Variants in AKAP19 observed in about 807,000 individuals in gnomAD.
The protein encoded by AKAP19 is small A-kinase anchoring protein.
chr2:190,158,211 C>T, the AKAP19 span, among the ~76,000 whole-genome samples: 9 of 152,230 alleles, frequency 5.9e-5, no homozygotes, highest in South Asian at 2.1e-4. Flanking sequence ...ATTGTGCACT[C>T]GGGGAGCTCG....
At chr2:189,961,294 AG>A in the AKAP19 span, among the ~76,000 whole-genome samples, 3 of 152,124 alleles carry the variant, frequency 2.0e-5, no homozygotes, top group East Asian at 5.8e-4. Flanking sequence ...GAGAAGGTGG[AG>A]GGAGCTCAGA....
chr2:189,930,803 G>A, the AKAP19 span: 6 of 821,102 alleles, frequency 7.3e-6, no homozygotes, highest in African/African-American at 6.7e-5. Flanking sequence ...GGCAGATGTT[G>A]TATAAGGCCT....
At chr2:190,123,258 T>C in the AKAP19 span, among the ~76,000 whole-genome samples, 3 of 152,242 alleles carry the variant, frequency 2.0e-5, no homozygotes, top group African/African-American at 7.2e-5. Context: ...ATTTGTTCAG[T>C]GTTTCTTGAT....
At chr2:189,941,749 G>T in the AKAP19 span, among the ~76,000 whole-genome samples, 27,495 of 152,058 alleles carry the variant, frequency 0.18, 2,532 homozygotes, top group Middle Eastern at 0.25. Flanking sequence ...AAGACAGGAA[G>T]AAAAGAAGAG....
chr2:190,157,365 T>TACACACACACACACACACACACACACAC, the AKAP19 span, among the ~76,000 whole-genome samples: 14 of 117,070 alleles, frequency 1.2e-4, no homozygotes, highest in African/African-American at 3.9e-4. Context: ...CCTAAACTTG[T>TACACACACACACACACACACACACACAC]ATACACACAC....
chr2:189,972,300 G>A, the AKAP19 span, among the ~76,000 whole-genome samples: 32 of 152,040 alleles, frequency 2.1e-4, no homozygotes, highest in Non-Finnish European at 3.8e-4. Context: ...GTAGATGTGT[G>A]GTATTATTTC....
chr2:190,172,281 C>T, the AKAP19 span, among the ~76,000 whole-genome samples: 1 of 152,210 alleles, frequency 6.6e-6, no homozygotes, highest in East Asian at 1.9e-4. Context: ...CTGTCCTCTC[C>T]CACTATTATG....
the AKAP19 span, chr2:190,060,160 T>C: frequency 1.9e-6 from 3 of 1,613,116 alleles, no homozygotes; most frequent in Non-Finnish European, 2.5e-6. Flanking sequence ...TCAGGTTGTT[T>C]GAGCCAATTT....
the AKAP19 span, among the ~76,000 whole-genome samples, chr2:190,014,216 A>T: frequency 0.19 from 28,718 of 152,120 alleles, 2,830 homozygotes; most frequent in Middle Eastern, 0.27. Flanking sequence ...ACATTGCTGT[A>T]AAAAATGCCT....
the AKAP19 span, among the ~76,000 whole-genome samples, chr2:190,003,918 T>C: frequency 6.6e-6 from 1 of 152,120 alleles, no homozygotes; most frequent in Non-Finnish European, 1.5e-5. Flanking sequence ...TTCAAATAAA[T>C]TCTAATCAAA....
the AKAP19 span, among the ~76,000 whole-genome samples, chr2:190,054,692 G>T: frequency 6.6e-6 from 1 of 152,156 alleles, no homozygotes; most frequent in Admixed American, 6.5e-5. Context: ...CTTCTCAAAA[G>T]AAGACATTTA....
chr2:190,161,667 C>A, the AKAP19 span, among the ~76,000 whole-genome samples: 2 of 152,102 alleles, frequency 1.3e-5, no homozygotes, highest in Non-Finnish European at 2.9e-5. Context: ...CTGTTACAGA[C>A]GCTTATGCAG....
chr2:190,013,192 T>C, the AKAP19 span, among the ~76,000 whole-genome samples: 1 of 152,200 alleles, frequency 6.6e-6, no homozygotes, highest in Non-Finnish European at 1.5e-5. Flanking sequence ...TATGTATTAG[T>C]TATTTTTACA....
the AKAP19 span, among the ~76,000 whole-genome samples, chr2:190,066,380 G>C: frequency 6.6e-6 from 1 of 152,152 alleles, no homozygotes; most frequent in Non-Finnish European, 1.5e-5. Context: ...AGACTTGCCG[G>C]AAGTTTAATG....
the AKAP19 span, among the ~76,000 whole-genome samples, chr2:189,902,055 A>G: frequency 3.9e-5 from 6 of 152,070 alleles, no homozygotes; most frequent in Non-Finnish European, 8.8e-5. Context: ...AACATTGATG[A>G]GTCTATTATA....
At chr2:190,155,551 G>A in the AKAP19 span, among the ~76,000 whole-genome samples, 1 of 152,166 alleles carries the variant, frequency 6.6e-6, no homozygotes, top group Non-Finnish European at 1.5e-5. Flanking sequence ...TGGGATCAAT[G>A]CAGCCTGGAC....
At chr2:190,176,679 T>G in the AKAP19 span, among the ~76,000 whole-genome samples, 1 of 152,228 alleles carries the variant, frequency 6.6e-6, no homozygotes, top group African/African-American at 2.4e-5. This position sits in a 1 kb window ranked among gnomAD's most constrained non-coding sequence, Gnocchi z 4.7. Flanking sequence ...CTCCTAGTTC[T>G]TCATCAAGAA....
chr2:190,015,100 A>T, the AKAP19 span, among the ~76,000 whole-genome samples: 1 of 152,092 alleles, frequency 6.6e-6, no homozygotes, highest in South Asian at 2.1e-4. Flanking sequence ...GGTCTGGAGG[A>T]TGGTGGCCCT....
At chr2:189,964,942 C>G in the AKAP19 span, among the ~76,000 whole-genome samples, 2 of 152,198 alleles carry the variant, frequency 1.3e-5, no homozygotes, top group African/African-American at 4.8e-5. Context: ...TTTTCCTTTG[C>G]ATTCACAACT....
Sources: gnomAD v4.1 joint callset for allele counts (sites outside exome capture counted in the v4.1 genomes callset) on GRCh38, gnomAD v4.1.1 for gene constraint, Gnocchi (gnomAD v3.1) non-coding constraint, MANE v1.5 for transcripts, NCBI Gene and HGNC (gene_info 2026-07-23, HGNC 2026-07-21) for gene names.